The following CD96 variants were observed in gnomAD, a reference collection of about 807,000 sequenced individuals.
The protein encoded by CD96 is CD96 molecule.
Under a neutral mutation model 71.3 loss-of-function variants are expected in CD96, and 70 were observed. The observed-to-expected ratio is 0.98, with a 90% confidence interval of 0.81 to 1.20. The LOEUF (loss-of-function observed/expected upper bound fraction) is 1.20, where lower values mean the gene tolerates loss of function less well. CD96 is among the 50% of genes most tolerant of loss of function. The probability of loss-of-function intolerance (pLI) is 0.00; values close to 1 mark genes in which losing one functional copy is unlikely to be tolerated. For synonymous variants in CD96, 248 were observed against 233.0 expected, an observed-to-expected ratio of 1.06 and a Z score of -0.59; for missense variants, 742 against 677.5, an observed-to-expected ratio of 1.10 and a Z score of -1.06.
At chr3:111,570,600 A>T in intron 3 of CD96, 1 of 1,546,416 alleles carries the variant, frequency 6.5e-7, no homozygotes, top group Non-Finnish European at 8.9e-7. Context: ...TAAGGGATCA[A>T]CAGGTGAGAT....
intron 10 of CD96, among the ~76,000 whole-genome samples, chr3:111,624,931 A>G (rs1938676537): frequency 6.6e-6 from 1 of 152,248 alleles, no homozygotes; most frequent in South Asian, 2.1e-4. Flanking sequence ...GCAGATACAG[A>G]CAGGATCTGA....
chr3:111,613,375 T>A (rs538576777), intron 8 of CD96, among the ~76,000 whole-genome samples: 50 of 152,344 alleles, frequency 3.3e-4, no homozygotes, highest in Non-Finnish European at 5.3e-4. Context: ...ATTCCCCATT[T>A]AGTCAGCACA....
At chr3:111,633,703 T>C (rs1383716777) in intron 10 of CD96, 3 of 152,700 alleles carry the variant, frequency 2.0e-5, no homozygotes, top group Non-Finnish European at 2.9e-5. Flanking sequence ...CAGGTGGACA[T>C]GGCAAAACTG....
Position 111,546,365 on chromosome 3 carries a change from G to A in CD96, c.418+963G>A, listed in dbSNP as rs544806353. On this transcript the variant is annotated intron_variant, in intron 2 of 13. Coordinates refer to ENST00000352690, the MANE Select transcript of CD96 (RefSeq NM_005816.5). Reference sequence around the variant, plus strand: ...CAATATTTAGTCTAGGGCAGGTAAAGGGACAAAGGAAGCTGCTAACTATGA... The same window carrying A: ...CAATATTTAGTCTAGGGCAGGTAAAAGGACAAAGGAAGCTGCTAACTATGA... 1.3e-5 allele frequency among the ~76,000 whole-genome samples: 2 copies of A among 152,252 alleles called. 1 individual carries two copies. Among genetic ancestry groups the A allele is most frequent in the African/African-American group, 4.8e-5 (2 of 41,562 alleles).
intron 3 of CD96, among the ~76,000 whole-genome samples, chr3:111,576,876 C>T (rs975245660): frequency 1.3e-5 from 2 of 152,150 alleles, no homozygotes; most frequent in African/African-American, 4.8e-5. Flanking sequence ...CTCCCATTTG[C>T]TCTGTGAAGG....
intron 14 of CD96, among the ~76,000 whole-genome samples, chr3:111,662,671 G>C (rs1940386122): frequency 6.6e-6 from 1 of 152,282 alleles, no homozygotes; most frequent in Middle Eastern, 3.4e-3. Flanking sequence ...CAGTCTCTTT[G>C]CTAAAGCATA....
At chr3:111,607,367 G>A (rs897291822) in intron 8 of CD96, among the ~76,000 whole-genome samples, 3 of 152,162 alleles carry the variant, frequency 2.0e-5, no homozygotes, top group Non-Finnish European at 4.4e-5. Flanking sequence ...TAAGGACTAT[G>A]AATTCAGCCC....
chr3:111,604,142 T>C (rs1937561431), intron 7 of CD96, among the ~76,000 whole-genome samples: 1 of 152,132 alleles, frequency 6.6e-6, no homozygotes, highest in South Asian at 2.1e-4. Context: ...GTGGATGAGA[T>C]AAGGGCTTAT....
At chr3:111,555,030 G>A (rs1183632290) in intron 2 of CD96, among the ~76,000 whole-genome samples, 1 of 152,072 alleles carries the variant, frequency 6.6e-6, no homozygotes, top group Non-Finnish European at 1.5e-5. Context: ...GCAGGACACA[G>A]ATCTCAGATG....
intron 4 of CD96, chr3:111,579,453 C>T (rs2107585199): frequency 1.6e-6 from 1 of 621,342 alleles, no homozygotes; most frequent in Admixed American, 2.3e-5. Flanking sequence ...CATACAGAAG[C>T]CAATAATTTT....
At chr3:111,612,034 T>C (rs1937969481) in intron 8 of CD96, among the ~76,000 whole-genome samples, 1 of 152,210 alleles carries the variant, frequency 6.6e-6, no homozygotes, top group Non-Finnish European at 1.5e-5. Flanking sequence ...GTCCAGTTAA[T>C]GTCACTACTG....
intron 10 of CD96, among the ~76,000 whole-genome samples, chr3:111,625,014 T>C (rs1300486789): frequency 1.3e-5 from 2 of 152,198 alleles, no homozygotes; most frequent in Admixed American, 1.3e-4. Context: ...GGAAGGAGGC[T>C]GGAGCAAAAG....
rs1938643453 is a variant in CD96, at chr3:111,624,336, G to A, written c.1253G>A (p.Ser418Asn). Residue 418 changes from serine to asparagine, a missense_variant, in exon 10 of 14, where the codon AGC becomes AAC. Physicochemically the swap from Ser to Asn is conservative, Grantham distance 46. Coordinates refer to ENST00000352690, the MANE Select transcript of CD96 (RefSeq NM_005816.5). ...TGAAAATAATTTTGTCTTTCAGCCA[G>A]CAATTCCAGTATGACTACCCGAGGC... ...ALRPNTTPQP[S>N]NSSMTTRGFN... 6.2e-7 allele frequency: 1 copy of A among 1,606,468 alleles called. No homozygotes were observed. Among genetic ancestry groups the A allele is most frequent in the African/African-American group, 1.3e-5 (1 of 74,906 alleles).
intron 5 of CD96, among the ~76,000 whole-genome samples, chr3:111,587,571 A>T (rs983764314): frequency 2.0e-5 from 3 of 152,220 alleles, no homozygotes; most frequent in African/African-American, 7.2e-5. Flanking sequence ...TCCACTAGGC[A>T]GTAGCATAGT....
intron 5 of CD96, among the ~76,000 whole-genome samples, chr3:111,591,570 A>C (rs1936989118): frequency 6.6e-6 from 1 of 152,176 alleles, no homozygotes; most frequent in Non-Finnish European, 1.5e-5. Flanking sequence ...TCATTTTTTA[A>C]ATAATTAGGT....
At chr3:111,661,913 T>C (rs895062164) in intron 14 of CD96, among the ~76,000 whole-genome samples, 3 of 152,202 alleles carry the variant, frequency 2.0e-5, no homozygotes, top group Non-Finnish European at 4.4e-5. Context: ...GTGGGGACTA[T>C]GTATGGGGGT....
At chr3:111,616,347 T>G (rs1205833724) in intron 8 of CD96, among the ~76,000 whole-genome samples, 1 of 152,174 alleles carries the variant, frequency 6.6e-6, no homozygotes, top group African/African-American at 2.4e-5. Flanking sequence ...CTTTAGGGAA[T>G]GCAGAGGATA....
intron 2 of CD96, among the ~76,000 whole-genome samples, chr3:111,554,835 A>C (rs1934906565): frequency 6.6e-6 from 1 of 152,040 alleles, no homozygotes; most frequent in South Asian, 2.1e-4. Flanking sequence ...ACCATAATGT[A>C]GAATCAGTGG....
intron 8 of CD96, among the ~76,000 whole-genome samples, chr3:111,610,881 C>G (rs921625721): frequency 6.6e-6 from 1 of 152,172 alleles, no homozygotes; most frequent in South Asian, 2.1e-4. Context: ...GAGATGCCAA[C>G]CCGGTGTGGC....
Sources: gnomAD v4.1 joint callset for allele counts (sites outside exome capture counted in the v4.1 genomes callset) on GRCh38, gnomAD v4.1.1 for gene constraint, MANE v1.5 for transcripts, NCBI Gene and HGNC (gene_info 2026-07-23, HGNC 2026-07-21) for gene names.